Variants in UBE2R2 observed in about 807,000 individuals in gnomAD.
UBE2R2 encodes ubiquitin-conjugating enzyme E2 R2.
A neutral mutation model predicts 27.8 loss-of-function variants in UBE2R2; 1 was observed. That is an observed-to-expected ratio of 0.04 (90% CI 0.01 to 0.17). UBE2R2 has a LOEUF of 0.17. Ranked by LOEUF, UBE2R2 falls within the 10% of genes least tolerant of loss-of-function variation. The pLI is 1.00. For synonymous variants in UBE2R2, 106 were observed against 113.3 expected (o/e 0.94, Z 0.41); for missense variants, 100 against 291.0 (o/e 0.34, Z 4.78).
At chr9:33,832,685 G>T (rs1267035052) in intron 1 of UBE2R2, among the ~76,000 whole-genome samples, 2 of 150,718 alleles carry the variant, frequency 1.3e-5, no homozygotes, top group East Asian at 1.9e-4. Context: ...AAGAAAGAAA[G>T]AAATTATTTA....
At position 33,919,044 on chromosome 9, in the gene UBE2R2, A is replaced by G. The variant is rs1822730020; in HGVS notation, c.*1807A>G. On this transcript the variant is annotated 3_prime_UTR_variant, in exon 5 of 5. Transcript: ENST00000263228. ...TTAACAAGCAAGGCTCTTAGGGGACACTGTTGAGCCTGGTCCCAGAATCTG... is the reference window on the plus strand; with the variant it reads ...TTAACAAGCAAGGCTCTTAGGGGACGCTGTTGAGCCTGGTCCCAGAATCTG... 6.6e-6 allele frequency: 1 copy of G among 152,210 alleles called. No individual in the cohort carries two copies. The highest frequency in any genetic ancestry group is 2.4e-5 in the African/African-American group (1 of 41,060). The allele number at this position is 152,210 out of a possible 1,614,324, so 9.4% of individuals were successfully genotyped here. A position where few individuals can be genotyped will look rare whatever the true frequency, so the allele number is the denominator to read the frequency against.
Position 33,872,478 on chromosome 9 carries a change from G to A in UBE2R2, c.178-14403G>A, listed in dbSNP as rs531513440. 3.0e-4 allele frequency among the ~76,000 whole-genome samples: 46 copies of A among 152,050 alleles called. 2 individuals are homozygous for A. The South Asian group carries it at 8.9e-3, about 29-fold the overall frequency. On this transcript the variant is annotated intron_variant, in intron 1 of 4. Coordinates refer to ENST00000263228, the MANE Select transcript of UBE2R2 (RefSeq NM_017811.4). ...TTACAGATGATAATTTTTTTAAATG[G>A]TAAACTTCAATATTTAAAAATCGAG...
chr9:33,906,113 C>CTGTTGT lies in UBE2R2; in HGVS notation c.363-5831_363-5826dup, dbSNP rs3060468. On this transcript the variant is annotated intron_variant, in intron 3 of 4. Coordinates refer to ENST00000263228, the MANE Select transcript of UBE2R2 (RefSeq NM_017811.4). ...GTTGTTGTCGTCGTCGTCGTTGTTG[C>CTGTTGT]TGTTGTTGTTGTTGTTGTTGTTGTT... 1.6e-3 allele frequency among the ~76,000 whole-genome samples: 235 copies of CTGTTGT among 151,280 alleles called. 1 individual carries two copies. The highest frequency in any genetic ancestry group is 6.8e-3 in the Middle Eastern group (2 of 294).
At chr9:33,862,554 T>A (rs1456559192) in intron 1 of UBE2R2, among the ~76,000 whole-genome samples, 1 of 152,194 alleles carries the variant, frequency 6.6e-6, no homozygotes, top group Non-Finnish European at 1.5e-5. Context: ...CACAAAAAAA[T>A]GCTATCCTAT....
chr9:33,824,424 C>T (rs916452559), intron 1 of UBE2R2, among the ~76,000 whole-genome samples: 1 of 151,994 alleles, frequency 6.6e-6, no homozygotes, highest in Non-Finnish European at 1.5e-5. Flanking sequence ...ATCACGAGGT[C>T]AGGAGATGGA....
At chr9:33,869,713 G>T (rs2130778229) in intron 1 of UBE2R2, among the ~76,000 whole-genome samples, 1 of 152,114 alleles carries the variant, frequency 6.6e-6, no homozygotes, top group East Asian at 1.9e-4. Context: ...GCCTCCCAAA[G>T]TGCTGGGATT....
intron 1 of UBE2R2, among the ~76,000 whole-genome samples, chr9:33,837,958 T>C (rs1820650232): frequency 6.6e-6 from 1 of 152,182 alleles, no homozygotes; most frequent in African/African-American, 2.4e-5. Context: ...ATAGCTTATA[T>C]AGAAGTATAC....
chr9:33,880,157 A>G (rs1821701456), intron 1 of UBE2R2, among the ~76,000 whole-genome samples: 1 of 152,074 alleles, frequency 6.6e-6, no homozygotes, highest in Admixed American at 6.6e-5. Context: ...AAGTGCTGGA[A>G]TTATAGGTGT....
chr9:33,915,710 A>C (rs1822625372), intron 4 of UBE2R2, among the ~76,000 whole-genome samples: 1 of 152,200 alleles, frequency 6.6e-6, no homozygotes, highest in South Asian at 2.1e-4. Flanking sequence ...TGTGCTAGGC[A>C]CTGACTGGGG....
chr9:33,917,259 T>TA lies in UBE2R2; in HGVS notation c.*23dup. ...GTGACGTGCTCCTTCAGTGCCCCTG[T>TA]ACTGCCCTGCCATCTCAGGCCAAAG... On this transcript the variant is annotated 3_prime_UTR_variant, in exon 5 of 5. Coordinates refer to ENST00000263228, the MANE Select transcript of UBE2R2 (RefSeq NM_017811.4). The TA allele has an allele frequency of 6.2e-7, 1 of 1,612,696 alleles. No homozygotes were observed. The highest frequency in any genetic ancestry group is 8.5e-7 in the Non-Finnish European group (1 of 1,179,544).
chr9:33,869,541 C>G (rs1310746365), intron 1 of UBE2R2, among the ~76,000 whole-genome samples: 1 of 151,072 alleles, frequency 6.6e-6, no homozygotes, highest in East Asian at 2.0e-4. Context: ...CTGAGGCCTC[C>G]CGGGTTCAAG....
chr9:33,824,021 AAC>A (rs1820238985), intron 1 of UBE2R2, among the ~76,000 whole-genome samples: 1 of 152,196 alleles, frequency 6.6e-6, no homozygotes, highest in African/African-American at 2.4e-5. Flanking sequence ...TATAAATGGA[AAC>A]ACAGTTAAGG....
chr9:33,815,940 G>C (rs1478634447), upstream of UBE2R2, among the ~76,000 whole-genome samples: 1 of 152,094 alleles, frequency 6.6e-6, no homozygotes, highest in Non-Finnish European at 1.5e-5. Context: ...CGGGTGTGGA[G>C]GCATGCACCT....
chr9:33,901,833 C>T (rs1330659790), intron 3 of UBE2R2, among the ~76,000 whole-genome samples: 1 of 151,312 alleles, frequency 6.6e-6, no homozygotes, highest in Non-Finnish European at 1.5e-5. Flanking sequence ...ATGTTACTTT[C>T]TTTCTAAATT....
At chr9:33,867,322 C>T (rs1207754262) in intron 1 of UBE2R2, among the ~76,000 whole-genome samples, 1 of 152,186 alleles carries the variant, frequency 6.6e-6, no homozygotes, top group African/African-American at 2.4e-5. Flanking sequence ...ATGACTCTTC[C>T]ACTTCATCCA....
At chr9:33,860,961 T>TG (rs1337150337) in intron 1 of UBE2R2, among the ~76,000 whole-genome samples, 18 of 149,264 alleles carry the variant, frequency 1.2e-4, no homozygotes, top group African/African-American at 4.4e-4. Context: ...TTTGTTTGTT[T>TG]TTTGTTTTTT....
In UBE2R2 at chr9:33,897,596, G is replaced by A. The variant is rs553809410; in HGVS notation, c.265-2578G>A. 8.6e-5 allele frequency among the ~76,000 whole-genome samples: 13 copies of A among 151,928 alleles called. No individual in the cohort carries two copies. In the South Asian group the frequency reaches 2.5e-3, roughly 29 times the overall value. On this transcript the variant is annotated intron_variant, in intron 2 of 4. Coordinates refer to ENST00000263228, the MANE Select transcript of UBE2R2 (RefSeq NM_017811.4). Reference sequence around the variant, plus strand: ...GCCTCCCAAAGTGCTGGGATTACAGGCGTGAGCCACTGCACCTGGCCAGAA... The same window carrying A: ...GCCTCCCAAAGTGCTGGGATTACAGACGTGAGCCACTGCACCTGGCCAGAA...
At chr9:33,846,680 T>C (rs1475447809) in intron 1 of UBE2R2, among the ~76,000 whole-genome samples, 1 of 152,200 alleles carries the variant, frequency 6.6e-6, no homozygotes, top group Non-Finnish European at 1.5e-5. Context: ...ACACCACATA[T>C]GGTCTCTTGC....
chr9:33,887,271 A>G (rs1249993209), intron 2 of UBE2R2, among the ~76,000 whole-genome samples: 1 of 152,220 alleles, frequency 6.6e-6, no homozygotes, highest in Non-Finnish European at 1.5e-5. Context: ...AATTTAGTAG[A>G]TAATGTAATA....
Sources: allele counts gnomAD v4.1 joint callset (sites outside exome capture counted in the v4.1 genomes callset), GRCh38; gene constraint gnomAD v4.1.1; transcripts MANE v1.5; gene names NCBI Gene and HGNC (gene_info 2026-07-23, HGNC 2026-07-21).